MCOLN1: variants seen among roughly 807,000 people sequenced by gnomAD.
MCOLN1 encodes mucolipin TRP cation channel 1, also known as mucolipin-1.
MCOLN1 carries 50 observed loss-of-function variants against 70.3 expected under a neutral mutation model. The observed-to-expected ratio is 0.71, with a 90% confidence interval of 0.57 to 0.90. The LOEUF (loss-of-function observed/expected upper bound fraction) is 0.90. Ranked by LOEUF, MCOLN1 falls within the 40% of genes least tolerant of loss-of-function variation. The pLI is 0.00. For missense variants in MCOLN1, 598 were observed against 803.5 expected (o/e 0.74, Z 3.09); for synonymous variants, 366 against 341.0 (o/e 1.07, Z -0.81).
chr19:7,528,939 G>A lies in MCOLN1; in HGVS notation c.1103G>A (p.Gly368Asp). The A allele has an allele frequency of 6.2e-7, 1 of 1,614,124 alleles. No individual in the cohort carries two copies. The highest frequency in any genetic ancestry group is 8.5e-7 in the Non-Finnish European group (1 of 1,180,010). ...ACCAGCGATGTGCTCACCATCTCGG[G>A]CACCATCATGAAGATCGGCATCGAG... ...LVTSDVLTISGTIMKIGIEAK... is the reference protein window; with the variant it reads ...LVTSDVLTISDTIMKIGIEAK... The change falls in exon 9 of 14, where the codon GGC becomes GAC. Residue 368 changes from glycine (G) to aspartate (D), a missense_variant. Physicochemically the swap from Gly to Asp is moderately conservative, Grantham distance 94 (BLOSUM62 -1). This residue lies in a region of MCOLN1 where 461 missense variants were observed against 588.4 expected (regional missense o/e 0.78). Transcript: ENST00000264079. This position sits in a 1 kb window ranked among gnomAD's most constrained non-coding sequence, Gnocchi z 4.2.
intron 4 of MCOLN1, chr19:7,527,232 G>A: frequency 1.8e-6 from 1 of 546,128 alleles, no homozygotes; most frequent in Non-Finnish European, 3.2e-6. Context: ...TGACCACGCT[G>A]CTGCACTCCA....
At chr19:7,531,752 C>T (rs1371344557) in intron 12 of MCOLN1, among the ~76,000 whole-genome samples, 2 of 152,124 alleles carry the variant, frequency 1.3e-5, no homozygotes, top group East Asian at 3.9e-4. Context: ...ACTGCAACCT[C>T]TGCCTCCCGG....
chr19:7,524,000 C>G (rs1468625504), intron 1 of MCOLN1, among the ~76,000 whole-genome samples: 1 of 151,958 alleles, frequency 6.6e-6, no homozygotes, highest in Non-Finnish European at 1.5e-5. Flanking sequence ...CTACTAACTA[C>G]GGGCATGAGC....
Position 7,533,765 on chromosome 19 carries a change from C to T in MCOLN1, c.1713C>T (p.Pro571=), listed in dbSNP as rs1262130423. 1.2e-6 allele frequency: 2 copies of T among 1,614,100 alleles called. No individual in the cohort carries two copies. The highest frequency in any genetic ancestry group is 1.7e-5 in the Admixed American group (1 of 60,012). The change falls in exon 14 of 14, where the codon CCC becomes CCT. Residue 571 remains proline (P), a synonymous_variant. Coordinates refer to ENST00000264079, the MANE Select transcript of MCOLN1 (RefSeq NM_020533.3). ...CCCTGCTTCCTTCCTCCAGGGACCC[C>T]TCGGAGGAGCATTCGCTGCTGGTGA... ...CSLLCCCGRD[P]SEEHSLLVN
At chr19:7,533,055 C>T (rs968037403) in intron 12 of MCOLN1, among the ~76,000 whole-genome samples, 3 of 152,250 alleles carry the variant, frequency 2.0e-5, no homozygotes, top group African/African-American at 7.2e-5. Flanking sequence ...GGTACACCCC[C>T]TTTTCCCCAT....
rs371345093 is a variant in MCOLN1, at chr19:7,528,868, G to A, written c.1032G>A (p.Leu344=). The A allele has an allele frequency of 1.6e-5, 26 of 1,614,246 alleles. No individual in the cohort carries two copies. In the East Asian group the frequency reaches 2.7e-4, roughly 17 times the overall value. The change falls in exon 9 of 14, where the codon CTG becomes CTA. Residue 344 remains leucine (L), a synonymous_variant. Transcript: ENST00000264079. The surrounding 1 kb of genome is among the most constrained non-coding windows in gnomAD (Gnocchi z 4.2). ...GGCAGCGGGGACGGGTCATCAGCCTGTGGGAGCGGCTGGAATTTGTCAATG... is the reference window on the plus strand; with the variant it reads ...GGCAGCGGGGACGGGTCATCAGCCTATGGGAGCGGCTGGAATTTGTCAATG... ...MWRQRGRVIS[L]WERLEFVNGW...
At chr19:7,532,474 G>A (rs140692293) in intron 12 of MCOLN1, among the ~76,000 whole-genome samples, 3,566 of 152,068 alleles carry the variant, frequency 0.023, 120 homozygotes, top group African/African-American at 0.07. Flanking sequence ...TTGGGAGGCC[G>A]AGGGGGGGTG....
rs553580159 is a variant in MCOLN1 at position 7,530,598 on chromosome 19, C to T, written c.1575+97C>T. ...GACACCGCAGGGTGAACAGAGAAGA[C>T]CCAGGAGAGAATATGGGAGACTCTA... On this transcript the variant is annotated intron_variant, in intron 12 of 13. Coordinates refer to ENST00000264079, the MANE Select transcript of MCOLN1 (RefSeq NM_020533.3). The T allele has an allele frequency of 3.8e-5, 44 of 1,159,872 alleles. 1 individual carries two copies. The Admixed American group carries it at 6.6e-4, about 17-fold the overall frequency. 71.8% of individuals were successfully genotyped at this position (1,159,872 alleles called of 1,614,324 possible). A position where few individuals can be genotyped will look rare whatever the true frequency, so the allele number is the denominator to read the frequency against.
Position 7,527,846 on chromosome 19 carries a change from C to T in MCOLN1, c.681-18C>T, listed in dbSNP as rs781191710. On this transcript the variant is annotated intron_variant, in intron 5 of 13. Coordinates refer to ENST00000264079, the MANE Select transcript of MCOLN1 (RefSeq NM_020533.3). ...GACCCGAAGACGCCCCTGACCCTCA[C>T]CCGAGCCTCCTGCCTAGGCTGGTCA... 47 of 1,604,444 alleles carry T rather than the reference C, an allele frequency of 2.9e-5. 1 individual carries two copies. The South Asian group carries it at 4.6e-4, about 16-fold the overall frequency.
intron 12 of MCOLN1, 24 bp from the exon 13 acceptor site, chr19:7,533,499 G>T (rs758255147): frequency 2.5e-6 from 4 of 1,610,090 alleles, no homozygotes; most frequent in African/African-American, 1.3e-5. Flanking sequence ...CTTTCAGGCT[G>T]AGCCTCCCGG....
At chr19:7,529,517 C>T (rs1473126699) in intron 10 of MCOLN1, 73 bp from the exon 11 acceptor site, 29 of 1,312,894 alleles carry the variant, frequency 2.2e-5, no homozygotes, top group Non-Finnish European at 3.0e-5. Flanking sequence ...CCCCTCCCAC[C>T]CCCATCTGGG....
intron 11 of MCOLN1, among the ~76,000 whole-genome samples, chr19:7,529,962 C>G (rs1053148031): frequency 6.6e-6 from 1 of 152,222 alleles, no homozygotes; most frequent in African/African-American, 2.4e-5. Flanking sequence ...GTCATTGACC[C>G]GTGGTCCCGG....
In MCOLN1 at chr19:7,528,123, C is replaced by G; in HGVS notation, c.778-35C>G. 37 of 1,608,924 alleles carry G rather than the reference C, an allele frequency of 2.3e-5. No individual in the cohort carries two copies. Among genetic ancestry groups the G allele is most frequent in the Non-Finnish European group, 3.1e-5 (37 of 1,175,334 alleles). On this transcript the variant is annotated intron_variant, in intron 6 of 13. Transcript: ENST00000264079. The surrounding 1 kb of genome is among the most constrained non-coding windows in gnomAD (Gnocchi z 4.2). ...ATGTGGACCTTGGGGCTTGGGGCTG[C>G]CAAGGTTTACTCTGCCCCCAACTGG...
At chr19:7,527,489 C>T in intron 4 of MCOLN1, 31 bp from the exon 5 acceptor site, 1 of 960,970 alleles carries the variant, frequency 1.0e-6, no homozygotes, top group Non-Finnish European at 1.7e-6. Context: ...CCCCGGCCCC[C>T]TGAGGCCCTT....
Position 7,528,041 on chromosome 19 carries a change from A to G in MCOLN1, c.777+81A>G. ...AGGGAGTGTCTTGGGAGCACTGGCC[A>G]AGGGCAAGCGTGCGGGTGATGAGGG... is the stretch of plus-strand genomic sequence containing the variant. On this transcript the variant is annotated intron_variant, in intron 6 of 13. Coordinates refer to ENST00000264079, the MANE Select transcript of MCOLN1 (RefSeq NM_020533.3). This position sits in a 1 kb window ranked among gnomAD's most constrained non-coding sequence, Gnocchi z 4.2. 1 of 1,533,528 alleles carries G rather than the reference A, an allele frequency of 6.5e-7. No individual in the cohort carries two copies. The highest frequency in any genetic ancestry group is 9.0e-7 in the Non-Finnish European group (1 of 1,107,036). The allele number at this position is 1,533,528 out of a possible 1,614,324, so 95.0% of individuals were successfully genotyped here.
Position 7,526,486 on chromosome 19 carries a change from A to G in MCOLN1, c.285A>G (p.Glu95=), listed in dbSNP as rs1409382898. The G allele has an allele frequency of 6.2e-7, 1 of 1,614,216 alleles. No individual in the cohort carries two copies. Among genetic ancestry groups the G allele is most frequent in the South Asian group, 1.1e-5 (1 of 91,090 alleles). ...LSNQLAVTFR[E]ENTIAFRHLF... ...ATCAGCTGGCTGTGACATTCCGGGAAGAGAACACCATCGCCTTCCGACACC... is the reference window on the plus strand; with the variant it reads ...ATCAGCTGGCTGTGACATTCCGGGAGGAGAACACCATCGCCTTCCGACACC... The change falls in exon 3 of 14, where the codon GAA becomes GAG. Residue 95 remains glutamate, a synonymous_variant. Coordinates refer to ENST00000264079, the MANE Select transcript of MCOLN1 (RefSeq NM_020533.3). This position sits in a 1 kb window ranked among gnomAD's most constrained non-coding sequence, Gnocchi z 4.6.
intron 12 of MCOLN1, among the ~76,000 whole-genome samples, chr19:7,531,283 C>T (rs1359713250): frequency 1.3e-5 from 2 of 151,994 alleles, no homozygotes; most frequent in African/African-American, 2.4e-5. Context: ...TCACTGCAAC[C>T]TCCACCTTCT....
intron 10 of MCOLN1, 44 bp from the exon 11 acceptor site, chr19:7,529,546 G>A (rs768320692): frequency 6.7e-7 from 1 of 1,484,242 alleles, no homozygotes; most frequent in South Asian, 1.1e-5. Context: ...GCTGACCTGA[G>A]TTGTGGCCAC....
chr19:7,526,703 G>A lies in MCOLN1; in HGVS notation c.406-58G>A, dbSNP rs45595037. 0.016 allele frequency: 25,548 copies of A among 1,606,252 alleles called. 272 individuals are homozygous for A. Among genetic ancestry groups the A allele is most frequent in the South Asian group, 0.021 (1,951 of 90,858 alleles). On this transcript the variant is annotated intron_variant, in intron 3 of 13. Transcript: ENST00000264079. The surrounding 1 kb of genome is among the most constrained non-coding windows in gnomAD (Gnocchi z 4.6). ...GGTGCTGGTGGGCGGGCAGGTGCAG[G>A]TGGGTGGGCTGCAGAGAGCGGGCCG...
Sources: gnomAD v4.1 joint callset for allele counts (sites outside exome capture counted in the v4.1 genomes callset) on GRCh38, gnomAD v4.1.1 for gene constraint, gnomAD v4.1.1 regional missense constraint, Gnocchi (gnomAD v3.1) non-coding constraint, MANE v1.5 for transcripts, NCBI Gene and HGNC (gene_info 2026-07-23, HGNC 2026-07-21) for gene names.